TUSC3: variants seen among roughly 807,000 people sequenced by gnomAD.
TUSC3 encodes dolichyl-diphosphooligosaccharide--protein glycosyltransferase subunit TUSC3.
A neutral mutation model predicts 44.8 loss-of-function variants in TUSC3; 45 were observed. The observed-to-expected ratio is 1.00, with a 90% confidence interval of 0.79 to 1.29. The LOEUF is 1.29. TUSC3 is among the 50% of genes most tolerant of loss of function. The pLI is 0.00. For synonymous variants in TUSC3, 212 were observed against 152.9 expected (o/e 1.39, Z -2.85); for missense variants, 519 against 437.9 (o/e 1.19, Z -1.65).
chr8:15,655,407 G>A (rs1197049687), intron 3 of TUSC3, among the ~76,000 whole-genome samples: 3 of 152,156 alleles, frequency 2.0e-5, no homozygotes, highest in South Asian at 2.1e-4. Flanking sequence ...CTGTGCATAC[G>A]GCCCCTCCCA....
the TUSC3 span, among the ~76,000 whole-genome samples, chr8:15,799,120 A>C: frequency 6.6e-6 from 1 of 152,086 alleles, no homozygotes; most frequent in Non-Finnish European, 1.5e-5. Flanking sequence ...ACAACAACAA[A>C]ACCCAAAACA....
At chr8:15,820,127 T>C in the TUSC3 span, among the ~76,000 whole-genome samples, 1 of 152,176 alleles carries the variant, frequency 6.6e-6, no homozygotes, top group African/African-American at 2.4e-5. Context: ...TCCCACTTCT[T>C]TATTCTGTTA....
At chr8:15,667,452 C>T (rs1284231690) in intron 5 of TUSC3, among the ~76,000 whole-genome samples, 1 of 151,638 alleles carries the variant, frequency 6.6e-6, no homozygotes, top group African/African-American at 2.4e-5. Context: ...TGTTACTCTG[C>T]TGATTTATAC....
the TUSC3 span, among the ~76,000 whole-genome samples, chr8:15,778,461 A>C: frequency 6.6e-6 from 1 of 152,148 alleles, no homozygotes; most frequent in Non-Finnish European, 1.5e-5. Flanking sequence ...CACAGAAGAA[A>C]ACTATTAATG....
At chr8:15,428,972 T>G (rs1306703361) in intron 1 of TUSC3, among the ~76,000 whole-genome samples, 2 of 152,222 alleles carry the variant, frequency 1.3e-5, no homozygotes, top group African/African-American at 4.8e-5. Context: ...CTCTTTAGTT[T>G]AATTACATCC....
intron 1 of TUSC3, among the ~76,000 whole-genome samples, chr8:15,541,314 C>G (rs1182164933): frequency 6.6e-6 from 1 of 152,154 alleles, no homozygotes; most frequent in Non-Finnish European, 1.5e-5. Flanking sequence ...TTTGTAAGTT[C>G]TAATTATCCA....
intron 1 of TUSC3, among the ~76,000 whole-genome samples, chr8:15,439,394 T>C (rs7826070): frequency 0.16 from 24,610 of 151,984 alleles, 2,023 homozygotes; most frequent in Middle Eastern, 0.23. Flanking sequence ...AGTGAGTCCT[T>C]ATTTCTACAA....
At chr8:15,531,661 G>C (rs988399504) in intron 2 of TUSC3, among the ~76,000 whole-genome samples, 1 of 152,242 alleles carries the variant, frequency 6.6e-6, no homozygotes, top group Non-Finnish European at 1.5e-5. Context: ...GAGAAGGCAA[G>C]AATTGAAGTT....
chr8:15,836,969 T>A, the TUSC3 span, among the ~76,000 whole-genome samples: 26 of 152,036 alleles, frequency 1.7e-4, no homozygotes, highest in Non-Finnish European at 3.4e-4. Flanking sequence ...ATCTTCACAC[T>A]GAATTTAATA....
the TUSC3 span, chr8:15,806,606 T>C: frequency 2.8e-6 from 4 of 1,450,202 alleles, no homozygotes; most frequent in Non-Finnish European, 3.9e-6. Flanking sequence ...AATGAAGTGA[T>C]CATCTTCTTC....
intron 2 of TUSC3, among the ~76,000 whole-genome samples, chr8:15,526,353 G>A (rs1008705461): frequency 6.6e-6 from 1 of 152,118 alleles, no homozygotes; most frequent in Non-Finnish European, 1.5e-5. Flanking sequence ...TCTTGATAAT[G>A]ATTACATTCT....
At position 15,535,128 on chromosome 8, in the gene TUSC3, T is replaced by G. The variant is rs17611812; in HGVS notation, n.189+51645T>G. 3.3e-3 allele frequency among the ~76,000 whole-genome samples: 501 copies of G among 152,344 alleles called. 7 individuals are homozygous for G. In the East Asian group the frequency reaches 0.036, roughly 11 times the overall value. On this transcript the variant is annotated intron_variant and non_coding_transcript_variant, in intron 2 of 5. Transcript: ENST00000503191. Reference sequence around the variant, plus strand: ...TTATCACTGTTTGTATGATAACTTTTTAAAAATATAAAAGCATATTCAAAT... The same window carrying G: ...TTATCACTGTTTGTATGATAACTTTGTAAAAATATAAAAGCATATTCAAAT...
intron 1 of TUSC3, among the ~76,000 whole-genome samples, chr8:15,418,649 T>C (rs1799689691): frequency 6.6e-6 from 1 of 152,168 alleles, no homozygotes; most frequent in South Asian, 2.1e-4. Context: ...GAAATTGAAG[T>C]CAACAAGGTT....
intron 2 of TUSC3, among the ~76,000 whole-genome samples, chr8:15,507,787 T>A (rs1353033579): frequency 6.7e-6 from 1 of 149,586 alleles, no homozygotes; most frequent in Non-Finnish European, 1.5e-5. Context: ...AGAGAGAGGA[T>A]GATGTAAGGA....
chr8:15,564,592 A>G (rs1376812214), intron 1 of TUSC3, among the ~76,000 whole-genome samples: 2 of 151,968 alleles, frequency 1.3e-5, no homozygotes, highest in Non-Finnish European at 2.9e-5. Flanking sequence ...ATTTTATTAT[A>G]TTTCTTTTAC....
intron 2 of TUSC3, among the ~76,000 whole-genome samples, chr8:15,515,947 G>T (rs959481879): frequency 2.6e-5 from 4 of 152,072 alleles, no homozygotes; most frequent in African/African-American, 9.7e-5. Context: ...GGGATTAGAG[G>T]CATGAGCCAC....
At chr8:15,675,440 T>G (rs746130257) in intron 6 of TUSC3, among the ~76,000 whole-genome samples, 1 of 152,118 alleles carries the variant, frequency 6.6e-6, no homozygotes, top group Non-Finnish European at 1.5e-5. Context: ...TTCAGACTTT[T>G]TTTTTTCTTT....
intron 1 of TUSC3, among the ~76,000 whole-genome samples, chr8:15,472,705 C>T (rs939095265): frequency 1.3e-5 from 2 of 152,090 alleles, no homozygotes; most frequent in African/African-American, 4.8e-5. Flanking sequence ...GCACTAGAAA[C>T]CAGGTTAATT....
intron 10 of TUSC3, 56 bp from the exon 11 acceptor site, chr8:15,764,147 A>T: frequency 6.9e-7 from 1 of 1,454,388 alleles, no homozygotes. Flanking sequence ...TAACAAACAT[A>T]TTGTATTTTC....
Sources: allele counts gnomAD v4.1 joint callset (sites outside exome capture counted in the v4.1 genomes callset), GRCh38; gene constraint gnomAD v4.1.1; transcripts MANE v1.5; gene names NCBI Gene and HGNC (gene_info 2026-07-23, HGNC 2026-07-21).